TRIM23: variants seen among roughly 807,000 people sequenced by gnomAD.
TRIM23 encodes E3 ubiquitin-protein ligase TRIM23.
In TRIM23, 27 loss-of-function variants were observed where a neutral mutation model predicts 71.0. That is an observed-to-expected ratio of 0.38 (90% confidence interval 0.28 to 0.52). The LOEUF is 0.52. Ranked by LOEUF, TRIM23 falls within the 20% of genes least tolerant of loss-of-function variation. The pLI is 0.84. For missense variants in TRIM23, 482 were observed against 692.3 expected, an observed-to-expected ratio of 0.70 and a Z score of 3.41; for synonymous variants, 234 against 238.0, an observed-to-expected ratio of 0.98 and a Z score of 0.16.
At chr5:65,605,741 A>G (rs1039436651) in intron 6 of TRIM23, among the ~76,000 whole-genome samples, 1 of 152,212 alleles carries the variant, frequency 6.6e-6, no homozygotes, top group Non-Finnish European at 1.5e-5. Context: ...TAGTCTTTAT[A>G]TGAAAGAGAT....
chr5:65,613,531 G>C (rs548264983), intron 3 of TRIM23, among the ~76,000 whole-genome samples: 1 of 152,252 alleles, frequency 6.6e-6, no homozygotes, highest in African/African-American at 2.4e-5. Context: ...ACACATAAGT[G>C]CTAAAAATAT....
chr5:65,591,246 C>A lies in TRIM23; in HGVS notation c.*523G>T. ...GTGTTCTGTTAACTCTGAACATAAA[C>A]ATAAAGTAATCCTATTATCCAAATA... is the stretch of plus-strand genomic sequence containing the variant. On this transcript the variant is annotated 3_prime_UTR_variant, in exon 11 of 11. Coordinates refer to ENST00000231524, the MANE Select transcript of TRIM23 (RefSeq NM_001656.4). 1 of 1,285,974 alleles carries A rather than the reference C, an allele frequency of 7.8e-7. No individual in the cohort carries two copies. 79.7% of individuals were successfully genotyped at this position (1,285,974 alleles called of 1,614,324 possible). A position where few individuals can be genotyped will look rare whatever the true frequency, so the allele number is the denominator to read the frequency against.
chr5:65,598,677 G>A (rs1338364510), intron 7 of TRIM23, among the ~76,000 whole-genome samples: 1 of 151,886 alleles, frequency 6.6e-6, no homozygotes, highest in Non-Finnish European at 1.5e-5. Context: ...GAACCCGGAA[G>A]GTGGAGAATG....
chr5:65,600,345 G>A (rs1754327411), intron 7 of TRIM23, among the ~76,000 whole-genome samples: 1 of 152,096 alleles, frequency 6.6e-6, no homozygotes. Context: ...ACAGAAGAGA[G>A]AGCCCAGAAA....
chr5:65,609,866 T>G (rs1189987104), intron 5 of TRIM23, among the ~76,000 whole-genome samples: 5 of 152,190 alleles, frequency 3.3e-5, no homozygotes, highest in Non-Finnish European at 5.9e-5. Flanking sequence ...TCTCCCCTAT[T>G]CCCAAACCTA....
chr5:65,610,801 A>G (rs1754629001), intron 5 of TRIM23, 60 bp downstream of exon 5: 1 of 1,418,786 alleles, frequency 7.0e-7, no homozygotes, highest in African/African-American at 1.4e-5. Context: ...TACTTAGTAG[A>G]AGGTGAAAAT....
rs1754728767 is a variant in TRIM23 at position 65,614,347 on chromosome 5, C to G, written c.245-128G>C. On this transcript the variant is annotated intron_variant, in intron 2 of 10. Coordinates refer to ENST00000231524, the MANE Select transcript of TRIM23 (RefSeq NM_001656.4). ...TCTAAATTTTTAAAATTCAAATTTT[C>G]CCCATTTTTAATACCAAAATAATTG... The G allele has an allele frequency of 3.3e-6, 3 of 912,436 alleles. No homozygotes were observed. In the African/African-American group the frequency reaches 5.1e-5, roughly 15 times the overall value. The allele number at this position is 912,436 out of a possible 1,614,324, so 56.5% of individuals were successfully genotyped here. A position where few individuals can be genotyped will look rare whatever the true frequency, so the allele number is the denominator to read the frequency against.
intron 7 of TRIM23, among the ~76,000 whole-genome samples, chr5:65,602,481 T>A (rs1210443815): frequency 6.6e-6 from 1 of 152,182 alleles, no homozygotes; most frequent in Non-Finnish European, 1.5e-5. Context: ...TCTCACACTT[T>A]CCTGTCTTCT....
chr5:65,594,708 A>T, intron 9 of TRIM23, 63 bp from the exon 10 acceptor site: 1 of 1,339,988 alleles, frequency 7.5e-7, no homozygotes, highest in Non-Finnish European at 1.0e-6. Flanking sequence ...AAATGAACCA[A>T]ATATTTAATG....
At chr5:65,610,211 C>A (rs192606352) in intron 5 of TRIM23, among the ~76,000 whole-genome samples, 4 of 152,274 alleles carry the variant, frequency 2.6e-5, no homozygotes, top group Admixed American at 2.6e-4. Context: ...AATAGGTCTG[C>A]CTGCTTCCAA....
chr5:65,596,020 G>C (rs1387376627), intron 9 of TRIM23, among the ~76,000 whole-genome samples: 2 of 152,064 alleles, frequency 1.3e-5, no homozygotes, highest in Non-Finnish European at 2.9e-5. Flanking sequence ...TGGGAGTGGG[G>C]CTATAGTGAG....
chr5:65,595,256 AT>A (rs1554124487), intron 9 of TRIM23, among the ~76,000 whole-genome samples: 2 of 151,864 alleles, frequency 1.3e-5, no homozygotes, highest in Non-Finnish European at 2.9e-5. Context: ...TTAAAAAAAA[AT>A]TAAAAATTAG....
intron 4 of TRIM23, 59 bp downstream of exon 4, chr5:65,611,544 G>A (rs1238938219): frequency 9.0e-6 from 14 of 1,550,170 alleles, no homozygotes; most frequent in Admixed American, 1.8e-5. Context: ...CAGTGAAAAC[G>A]AATACTGAGC....
rs952125965 is a variant in TRIM23, at chr5:65,590,733, T to G, written c.*1036A>C. ...CCTCTAGAGTAACTTTTCAAGGCCT[T>G]CTCATGAACAGCCTTAAGTTTTATT... On this transcript the variant is annotated 3_prime_UTR_variant, in exon 11 of 11. Transcript: ENST00000231524. 6 of 985,532 alleles carry G rather than the reference T, an allele frequency of 6.1e-6. No individual in the cohort carries two copies. In the East Asian group the frequency reaches 5.6e-4, roughly 93 times the overall value. The allele number at this position is 985,532 out of a possible 1,614,324, so 61.0% of individuals were successfully genotyped here.
At chr5:65,592,124 T>C (rs1474823486) in intron 10 of TRIM23, among the ~76,000 whole-genome samples, 176 bp from the exon 11 acceptor site, 45 of 152,178 alleles carry the variant, frequency 3.0e-4, no homozygotes, top group Admixed American at 2.9e-3. Context: ...ATTAGTTTGG[T>C]TTAACTAATT....
intron 6 of TRIM23, among the ~76,000 whole-genome samples, chr5:65,605,649 A>C (rs1581182189): frequency 6.6e-6 from 1 of 152,334 alleles, no homozygotes; most frequent in East Asian, 1.9e-4. Flanking sequence ...AAAAAAAATA[A>C]AGAATACAGG....
In TRIM23 at chr5:65,591,245, A is replaced by C; in HGVS notation, c.*524T>G. 7.8e-7 allele frequency: 1 copy of C among 1,284,656 alleles called. No homozygotes were observed. Among genetic ancestry groups the C allele is most frequent in the Non-Finnish European group, 9.8e-7 (1 of 1,017,098 alleles). The allele number at this position is 1,284,656 out of a possible 1,614,324, so 79.6% of individuals were successfully genotyped here. A position where few individuals can be genotyped will look rare whatever the true frequency, so the allele number is the denominator to read the frequency against. On this transcript the variant is annotated 3_prime_UTR_variant, in exon 11 of 11. Transcript: ENST00000231524. ...GGTGTTCTGTTAACTCTGAACATAA[A>C]CATAAAGTAATCCTATTATCCAAAT...
At chr5:65,619,662 C>T (rs1754872114) in intron 1 of TRIM23, among the ~76,000 whole-genome samples, 1 of 152,016 alleles carries the variant, frequency 6.6e-6, no homozygotes. Context: ...AAATTTAGTC[C>T]TTCAATGTAA....
In TRIM23 at chr5:65,590,439, A is replaced by G. The variant is rs1477486837; in HGVS notation, c.*1330T>C. On this transcript the variant is annotated 3_prime_UTR_variant, in exon 11 of 11. Transcript: ENST00000231524. The stretch of plus-strand genomic sequence containing the variant: ...AAAATAGATTTGAAAAGAATGAACC[A>G]CAACAGTGCTACCAAAAAGTCACAT... 1 of 1,331,956 alleles carries G rather than the reference A, an allele frequency of 7.5e-7. No homozygotes were observed. Among genetic ancestry groups the G allele is most frequent in the Non-Finnish European group, 9.7e-7 (1 of 1,033,756 alleles). 82.5% of individuals were successfully genotyped at this position (1,331,956 alleles called of 1,614,324 possible).
Sources: allele counts gnomAD v4.1 joint callset (sites outside exome capture counted in the v4.1 genomes callset), GRCh38; gene constraint gnomAD v4.1.1; transcripts MANE v1.5; gene names NCBI Gene and HGNC (gene_info 2026-07-23, HGNC 2026-07-21).